The following OCRL variants were observed in gnomAD, a reference collection of about 807,000 sequenced individuals.
OCRL encodes OCRL inositol polyphosphate-5-phosphatase.
In OCRL, 8 loss-of-function variants were observed where a neutral mutation model predicts 78.9. The observed-to-expected ratio is 0.10, with a 90% CI of 0.06 to 0.18. The LOEUF is 0.18. Ranked by LOEUF, OCRL falls within the 10% of genes least tolerant of loss-of-function variation. The probability of loss-of-function intolerance (pLI) is 1.00; values close to 1 mark genes in which losing one functional copy is unlikely to be tolerated. For missense variants in OCRL, 454 were observed against 696.7 expected (o/e 0.65, Z 3.92); for synonymous variants, 240 against 235.4 (o/e 1.02, Z -0.18).
In OCRL at chrX:129,590,865, T is replaced by C. The variant is rs1232202667; in HGVS notation, c.*595T>C. 1 of 123,889 alleles carries C rather than the reference T, an allele frequency of 8.1e-6. No individual in the cohort carries two copies. The highest frequency in any genetic ancestry group is 1.7e-5 in the Non-Finnish European group (1 of 60,204). The allele number at this position is 123,889 out of a possible 1,213,427, so 10.2% of individuals were successfully genotyped here. A position where few individuals can be genotyped will look rare whatever the true frequency, so the allele number is the denominator to read the frequency against. ...TCTACTACAATGGCATCTTTATGTC[T>C]CTGTAACATTGGCCTTTTCATGGCT... On this transcript the variant is annotated 3_prime_UTR_variant, in exon 24 of 24. Coordinates refer to ENST00000371113, the MANE Select transcript of OCRL (RefSeq NM_000276.4).
At chrX:129,544,051 T>G (rs1402831897) in intron 2 of OCRL, among the ~76,000 whole-genome samples, 1 of 110,002 alleles carries the variant, frequency 9.1e-6, no homozygotes, top group African/African-American at 3.3e-5. Context: ...TGAGGACAGT[T>G]TCATGGAGGA....
rs762454584 is a variant in OCRL at position 129,586,963 on chromosome X, C to T, written c.2140-39C>T. On this transcript the variant is annotated intron_variant, in intron 19 of 23. Transcript: ENST00000371113. ...TAAGTTATACACCAAAGTCTTTATT[C>T]TGAGACCCCTTTGATTCTCATACTT... 5 of 910,624 alleles carry T rather than the reference C, an allele frequency of 5.5e-6. No individual in the cohort carries two copies. The African/African-American group carries it at 7.8e-5, about 14-fold the overall frequency. 75.0% of individuals were successfully genotyped at this position (910,624 alleles called of 1,213,427 possible).
At chrX:129,542,314 C>T (rs1215209179) in intron 2 of OCRL, among the ~76,000 whole-genome samples, 3 of 108,826 alleles carry the variant, frequency 2.8e-5, no homozygotes, top group African/African-American at 1.0e-4. Context: ...TGCTATATAA[C>T]TAACATTAAT....
chrX:129,558,363 A>G (rs1340303543), intron 6 of OCRL, among the ~76,000 whole-genome samples: 1 of 112,269 alleles, frequency 8.9e-6, no homozygotes, highest in Non-Finnish European at 1.9e-5. Flanking sequence ...CTTACTCTCA[A>G]CCAGGCATTG....
chrX:129,555,923 A>G (rs1168087337), intron 4 of OCRL, among the ~76,000 whole-genome samples: 1 of 111,595 alleles, frequency 9.0e-6, no homozygotes, highest in Non-Finnish European at 1.9e-5. Flanking sequence ...AGTTTTCCCT[A>G]TATCTTCATG....
intron 19 of OCRL, chrX:129,586,791 A>G: frequency 1.9e-6 from 1 of 533,791 alleles, no homozygotes; most frequent in Non-Finnish European, 3.4e-6. Context: ...AGAACAATTA[A>G]GTGAAGCATT....
At chrX:129,569,230 A>G (rs956917756) in intron 14 of OCRL, 34 bp from the exon 15 acceptor site, 1 of 1,205,563 alleles carries the variant, frequency 8.3e-7, no homozygotes, top group Non-Finnish European at 1.1e-6. Flanking sequence ...CTTGTGTGAT[A>G]TGTTCTCTTT....
At chrX:129,589,810 T>C (rs773699798) in intron 22 of OCRL, 35 bp from the exon 23 acceptor site, 130 of 1,008,222 alleles carry the variant, frequency 1.3e-4, no homozygotes, top group Non-Finnish European at 1.5e-4. Context: ...CTTCCACCTG[T>C]TTTTCTCACT....
intron 18 of OCRL, among the ~76,000 whole-genome samples, chrX:129,579,702 A>C (rs917895995): frequency 1.8e-5 from 2 of 112,389 alleles, no homozygotes; most frequent in Admixed American, 9.4e-5. Context: ...GAATTAAGAT[A>C]GATTTTTCTG....
chrX:129,570,010 A>C (rs186369049), intron 15 of OCRL, among the ~76,000 whole-genome samples: 298 of 108,390 alleles, frequency 2.7e-3, no homozygotes, highest in African/African-American at 9.5e-3. Flanking sequence ...TGCCCAGCGA[A>C]TTTTTTTTTA....
At chrX:129,542,961 G>A (rs763788272) in intron 2 of OCRL, among the ~76,000 whole-genome samples, 1 of 111,173 alleles carries the variant, frequency 9.0e-6, no homozygotes, top group South Asian at 3.8e-4. Flanking sequence ...TAAAAATCAG[G>A]GTTTTTTTGG....
At chrX:129,565,918 G>A in intron 13 of OCRL, 35 bp downstream of exon 13, 2 of 920,945 alleles carry the variant, frequency 2.2e-6, no homozygotes, top group Non-Finnish European at 3.2e-6. Context: ...AACTTTCCTA[G>A]ATGGGAGATG....
rs765452936 is a variant in OCRL at position 129,562,836 on chromosome X, G to C, written c.1244+50G>C. 3 of 1,085,394 alleles carry C rather than the reference G, an allele frequency of 2.8e-6. No individual in the cohort carries two copies. In the East Asian group the frequency reaches 9.0e-5, roughly 33 times the overall value. The allele number at this position is 1,085,394 out of a possible 1,213,427, so 89.4% of individuals were successfully genotyped here. A position where few individuals can be genotyped will look rare whatever the true frequency, so the allele number is the denominator to read the frequency against. On this transcript the variant is annotated intron_variant, in intron 12 of 23. Transcript: ENST00000371113. ...CTTTGAGTAGTGGCTACAGGAGTTT[G>C]GATAGTGTAGAGATTAAATGTGAGA... is the stretch of plus-strand genomic sequence containing the variant.
intron 7 of OCRL, 26 bp downstream of exon 7, chrX:129,558,779 G>A (rs1370199062): frequency 8.3e-7 from 1 of 1,211,680 alleles, no homozygotes; most frequent in Non-Finnish European, 1.1e-6. Context: ...AAACATATTT[G>A]CCTTGTAGGA....
chrX:129,551,044 A>T (rs1392186184), intron 4 of OCRL, among the ~76,000 whole-genome samples: 1 of 110,371 alleles, frequency 9.1e-6, no homozygotes, highest in Non-Finnish European at 1.9e-5. Flanking sequence ...ATTTATGGAG[A>T]TGATTTTATT....
chrX:129,547,275 C>T (rs1488976878), intron 3 of OCRL, among the ~76,000 whole-genome samples: 2 of 110,089 alleles, frequency 1.8e-5, no homozygotes, highest in Non-Finnish European at 1.9e-5. Context: ...CCTGTAATCC[C>T]AGCACTTTGG....
At chrX:129,569,217 G>A (rs201386915) in intron 14 of OCRL, 47 bp from the exon 15 acceptor site, 261 of 1,192,680 alleles carry the variant, frequency 2.2e-4, no homozygotes, top group Non-Finnish European at 2.6e-4. Flanking sequence ...TAGGTATTAT[G>A]TTCTTGTGTG....
At chrX:129,568,324 T>TTTCTTTTTCTTTTC (rs1936250852) in intron 14 of OCRL, among the ~76,000 whole-genome samples, 1 of 112,211 alleles carries the variant, frequency 8.9e-6, no homozygotes. Flanking sequence ...CCTTTCCTTT[T>TTTCTTTTTCTTTTC]TTCTTTTTCT....
intron 5 of OCRL, 23 bp from the exon 6 acceptor site, chrX:129,557,838 G>C (rs946817744): frequency 5.5e-6 from 6 of 1,086,194 alleles, no homozygotes; most frequent in Admixed American, 4.4e-5. Context: ...CCCAGTTTCT[G>C]ACCATGAACC....
Sources: gnomAD v4.1 joint callset for allele counts (sites outside exome capture counted in the v4.1 genomes callset) on GRCh38, gnomAD v4.1.1 for gene constraint, MANE v1.5 for transcripts, NCBI Gene and HGNC (gene_info 2026-07-23, HGNC 2026-07-21) for gene names.